The following LRRTM4 variants were observed in gnomAD, a reference collection of about 807,000 sequenced individuals.
The protein encoded by LRRTM4 is leucine-rich repeat transmembrane neuronal protein 4.
Under a neutral mutation model 47.6 loss-of-function variants are expected in LRRTM4, and 25 were observed. The ratio of observed to expected loss-of-function variants is 0.53; its 90% CI spans 0.38 to 0.73. The LOEUF (loss-of-function observed/expected upper bound fraction) is 0.73, where lower values mean the gene tolerates loss of function less well. Among genes scored for constraint, LRRTM4 ranks in the 30% least tolerant of loss-of-function variants. The probability of loss-of-function intolerance (pLI) is 0.00; values close to 1 mark genes in which losing one functional copy is unlikely to be tolerated. For synonymous variants in LRRTM4, 311 were observed against 269.5 expected (o/e 1.15, Z -1.51); for missense variants, 638 against 713.4 (o/e 0.89, Z 1.20).
intron 3 of LRRTM4, among the ~76,000 whole-genome samples, chr2:77,048,673 G>A (rs1679312738): frequency 1.3e-5 from 2 of 151,396 alleles, no homozygotes; most frequent in African/African-American, 2.4e-5. Context: ...TTTTTTATGG[G>A]CATAGTGTGA....
At chr2:76,972,071 C>T (rs1327604288) in intron 3 of LRRTM4, among the ~76,000 whole-genome samples, 1 of 151,924 alleles carries the variant, frequency 6.6e-6, no homozygotes, top group East Asian at 1.9e-4. Flanking sequence ...CTGGTTGTTT[C>T]AGCATTTTTC....
At chr2:76,890,561 C>T in intron 3 of LRRTM4, among the ~76,000 whole-genome samples, 1 of 151,794 alleles carries the variant, frequency 6.6e-6, no homozygotes, top group Non-Finnish European at 1.5e-5. Flanking sequence ...GAAATTTATA[C>T]CTTAACAAAA....
At chr2:76,956,239 G>A (rs1278084230) in intron 3 of LRRTM4, among the ~76,000 whole-genome samples, 1 of 151,692 alleles carries the variant, frequency 6.6e-6, no homozygotes, top group East Asian at 1.9e-4. Context: ...TGGCATAATG[G>A]CAAGTGTCTT....
chr2:77,279,354 T>C (rs2104095045), intron 3 of LRRTM4, among the ~76,000 whole-genome samples: 1 of 152,080 alleles, frequency 6.6e-6, no homozygotes, highest in South Asian at 2.1e-4. Context: ...TTTTGTTTTG[T>C]TTTGTTTTTG....
At chr2:76,990,693 T>C (rs961075266) in intron 3 of LRRTM4, among the ~76,000 whole-genome samples, 9 of 151,690 alleles carry the variant, frequency 5.9e-5, no homozygotes, top group African/African-American at 2.2e-4. Context: ...AACCACACAA[T>C]AATAGTGAGG....
At chr2:76,829,891 A>G (rs942873303) in intron 3 of LRRTM4, among the ~76,000 whole-genome samples, 21 of 152,066 alleles carry the variant, frequency 1.4e-4, no homozygotes, top group Admixed American at 2.6e-4. Context: ...TCTCGAAATA[A>G]TAGAATTATG....
chr2:77,023,733 G>A (rs554060762), intron 3 of LRRTM4, among the ~76,000 whole-genome samples: 174 of 152,184 alleles, frequency 1.1e-3, no homozygotes, highest in African/African-American at 3.9e-3. Flanking sequence ...CCAGCATTTT[G>A]GTCAAAGCCA....
intron 3 of LRRTM4, among the ~76,000 whole-genome samples, chr2:77,106,541 TA>T (rs200347318): frequency 4.0e-5 from 6 of 150,928 alleles, no homozygotes; most frequent in Middle Eastern, 6.8e-3. Flanking sequence ...TAACACATAT[TA>T]AAAAAAAACT....
chr2:76,878,463 T>C (rs910720176), intron 3 of LRRTM4, among the ~76,000 whole-genome samples: 1 of 151,486 alleles, frequency 6.6e-6, no homozygotes, highest in Non-Finnish European at 1.5e-5. Flanking sequence ...GCAAGGACAG[T>C]CCAAAAGGTA....
chr2:77,296,457 T>G (rs1228568765), intron 3 of LRRTM4, among the ~76,000 whole-genome samples: 1 of 152,176 alleles, frequency 6.6e-6, no homozygotes, highest in Non-Finnish European at 1.5e-5. Flanking sequence ...TTTTCTTGGG[T>G]TTTTGGTATG....
chr2:77,226,538 CATATATATATATATAT>C (rs60188707), intron 3 of LRRTM4, among the ~76,000 whole-genome samples: 11 of 144,070 alleles, frequency 7.6e-5, no homozygotes, highest in African/African-American at 2.0e-4. Context: ...AAATTATATA[CATATATATATATATAT>C]ATATATATAT....
intron 3 of LRRTM4, chr2:77,517,814 G>T: frequency 1.0e-6 from 1 of 985,220 alleles, no homozygotes; most frequent in Non-Finnish European, 1.2e-6. Context: ...GATCCCTGTT[G>T]CATGCTTTCA....
At chr2:77,215,751 C>T (rs1023866388) in intron 3 of LRRTM4, among the ~76,000 whole-genome samples, 25 of 152,134 alleles carry the variant, frequency 1.6e-4, no homozygotes, top group Admixed American at 9.2e-4. Flanking sequence ...TTTAATTGAA[C>T]TTCGGTCAGT....
intron 3 of LRRTM4, among the ~76,000 whole-genome samples, chr2:77,140,731 C>G (rs1021759013): frequency 2.0e-5 from 3 of 152,278 alleles, no homozygotes; most frequent in Admixed American, 1.3e-4. Flanking sequence ...ACTTCTCTGA[C>G]AAAGGGCTAA....
intron 3 of LRRTM4, among the ~76,000 whole-genome samples, chr2:77,071,474 C>A (rs1036849021): frequency 2.0e-5 from 3 of 152,068 alleles, no homozygotes; most frequent in Admixed American, 6.6e-5. Flanking sequence ...TGCCCAAACT[C>A]TCAATATTTT....
intron 3 of LRRTM4, among the ~76,000 whole-genome samples, chr2:77,418,849 CCTT>C (rs1270892652): frequency 3.3e-5 from 5 of 152,144 alleles, no homozygotes; most frequent in Admixed American, 3.3e-4. Context: ...TCTGTGTACT[CCTT>C]CTCCTCTGAC....
chr2:77,347,637 G>T (rs1486641505), intron 3 of LRRTM4, among the ~76,000 whole-genome samples: 2 of 151,942 alleles, frequency 1.3e-5, no homozygotes, highest in East Asian at 3.9e-4. Context: ...TAATAAAAAT[G>T]AATTGCAAAA....
At position 76,975,327 on chromosome 2, in the gene LRRTM4, C is replaced by T. The variant is rs148907583; in HGVS notation, c.1552-226411G>A. Among the ~76,000 whole-genome samples, 451 of 151,870 alleles carry T rather than the reference C, an allele frequency of 3.0e-3. 3 individuals are homozygous for T. Among genetic ancestry groups the T allele is most frequent in the African/African-American group, 0.01 (430 of 41,514 alleles). On this transcript the variant is annotated intron_variant, in intron 3 of 3. Coordinates refer to ENST00000409884, the MANE Select transcript of LRRTM4 (RefSeq NM_001134745.3). Reference sequence around the variant, plus strand: ...TTTAGGCAAGAAGGATTCAGCTTCACTTGCTCACTATGGATTTGAAAACAA... The same window carrying T: ...TTTAGGCAAGAAGGATTCAGCTTCATTTGCTCACTATGGATTTGAAAACAA...
chr2:77,184,063 C>T (rs1172810749), intron 3 of LRRTM4, among the ~76,000 whole-genome samples: 1 of 151,352 alleles, frequency 6.6e-6, no homozygotes, highest in African/African-American at 2.4e-5. Flanking sequence ...GCACATGTAC[C>T]CTAAAACTTA....
Sources: allele counts gnomAD v4.1 joint callset (sites outside exome capture counted in the v4.1 genomes callset), GRCh38; gene constraint gnomAD v4.1.1; transcripts MANE v1.5; gene names NCBI Gene and HGNC (gene_info 2026-07-23, HGNC 2026-07-21).